The following NKX2-5 variants were observed in gnomAD, a reference collection of about 807,000 sequenced individuals.
NKX2-5 encodes the protein homeobox protein Nkx-2.5.
A neutral mutation model predicts 24.5 loss-of-function variants in NKX2-5; 3 were observed. That is an observed-to-expected ratio of 0.12 (90% confidence interval 0.06 to 0.32). The LOEUF is 0.32. Ranked by LOEUF, NKX2-5 falls within the 10% of genes least tolerant of loss-of-function variation. The pLI, the probability that NKX2-5 is intolerant of heterozygous loss-of-function variation, is 1.00. For synonymous variants in NKX2-5, 215 were observed against 217.6 expected, an observed-to-expected ratio of 0.99 and a Z score of 0.11; for missense variants, 429 against 452.4, an observed-to-expected ratio of 0.95 and a Z score of 0.47.
chr5:173,234,198 C>G, intron 1 of NKX2-5: 10 of 1,266,242 alleles, frequency 7.9e-6, no homozygotes, highest in South Asian at 2.6e-5. Context: ...ATTTTAAAAT[C>G]AAGGCCCTCG....
chr5:173,234,666 G>C, intron 1 of NKX2-5, 84 bp downstream of exon 1: 1 of 1,223,290 alleles, frequency 8.2e-7, no homozygotes, highest in Non-Finnish European at 1.1e-6. Flanking sequence ...GCCCAAGGGC[G>C]CGTGTCTCCT....
In NKX2-5 at chr5:173,232,421, C is replaced by T; in HGVS notation, c.*148G>A. The T allele has an allele frequency of 7.1e-7, 1 of 1,417,982 alleles. No individual in the cohort carries two copies. Among genetic ancestry groups the T allele is most frequent in the Non-Finnish European group, 9.5e-7 (1 of 1,058,186 alleles). 87.8% of individuals were successfully genotyped at this position (1,417,982 alleles called of 1,614,324 possible). A position where few individuals can be genotyped will look rare whatever the true frequency, so the allele number is the denominator to read the frequency against. On this transcript the variant is annotated 3_prime_UTR_variant, in exon 2 of 2. Coordinates refer to ENST00000329198, the MANE Select transcript of NKX2-5 (RefSeq NM_004387.4). The surrounding 1 kb of genome is among the most constrained non-coding windows in gnomAD (Gnocchi z 5.9). ...TCTCCCGTGCGCAAGAACAAACGCGCGTGGGACAGAAAAAGTTCCTAGGTC... is the reference window on the plus strand; with the variant it reads ...TCTCCCGTGCGCAAGAACAAACGCGTGTGGGACAGAAAAAGTTCCTAGGTC...
intron 1 of NKX2-5, chr5:173,233,953 C>T (rs1761400603): frequency 8.3e-7 from 1 of 1,198,324 alleles, no homozygotes; most frequent in Non-Finnish European, 1.1e-6. Flanking sequence ...CGGGCTCCTG[C>T]CTTGGGCTGG....
intron 1 of NKX2-5, chr5:173,233,939 C>T: frequency 8.4e-7 from 1 of 1,186,506 alleles, no homozygotes; most frequent in Non-Finnish European, 1.1e-6. Flanking sequence ...TCCCGGGAAT[C>T]GCCCGGGCTC....
Position 173,232,657 on chromosome 5 carries a change from C to T in NKX2-5, c.887G>A (p.Gly296Asp), listed in dbSNP as rs373421818. Residue 296 changes from glycine (G) to aspartate (D), a missense_variant, in exon 2 of 2, where the codon GGC (glycine) becomes GAC (aspartate). Coordinates refer to ENST00000329198, the MANE Select transcript of NKX2-5 (RefSeq NM_004387.4). This position sits in a 1 kb window ranked among gnomAD's most constrained non-coding sequence, Gnocchi z 5.9. ...CTGAACCGCATTCAAGTCCCCGACG[C>T]CGAAGTTCACGAAGTTGTTGTTGGC... is the stretch of plus-strand genomic sequence containing the variant. ...AAANNNFVNF[G>D]VGDLNAVQSP... 6 of 1,612,906 alleles carry T rather than the reference C, an allele frequency of 3.7e-6. No homozygotes were observed. The highest frequency in any genetic ancestry group is 5.1e-6 in the Non-Finnish European group (6 of 1,179,466).
rs765528024 is a variant in NKX2-5 at position 173,232,791 on chromosome 5, G to C, written c.753C>G (p.Asn251Lys). 5.1e-5 allele frequency: 82 copies of C among 1,611,386 alleles called. No individual in the cohort carries two copies. The highest frequency in any genetic ancestry group is 6.8e-5 in the Non-Finnish European group (80 of 1,179,346). ...YGVGLNPYGY[N>K]AYPAYPGYGG... is the part of the protein sequence containing the mutation. Reference sequence around the variant, plus strand: ...CGTAACCCGGATAGGCGGGGTAGGCGTTATAACCGTAGGGATTGAGGCCCA... The same window carrying C: ...CGTAACCCGGATAGGCGGGGTAGGCCTTATAACCGTAGGGATTGAGGCCCA... Residue 251 changes from asparagine to lysine, a missense_variant, in exon 2 of 2, where the codon AAC becomes AAG. By Grantham distance (94) the Asn-to-Lys change is moderately conservative. Transcript: ENST00000329198. The surrounding 1 kb of genome is among the most constrained non-coding windows in gnomAD (Gnocchi z 5.9).
chr5:173,233,546 TAAAAC>T, intron 1 of NKX2-5: 1 of 897,572 alleles, frequency 1.1e-6, no homozygotes, highest in Non-Finnish European at 1.7e-6. Context: ...AAAATAAAAA[TAAAAC>T]CAGGTGATGC....
At chr5:173,233,300 G>A in intron 1 of NKX2-5, 91 bp from the exon 2 acceptor site, 3 of 1,543,714 alleles carry the variant, frequency 1.9e-6, no homozygotes, top group East Asian at 2.4e-5. Flanking sequence ...GGATCCTCGT[G>A]GAGGCCACTG....
rs994687523 is a variant in NKX2-5 at position 173,232,733 on chromosome 5, T to C, written c.811A>G (p.Thr271Ala). ...GAACSPGYSCTAAYPAGPSPA... is the reference protein window; with the variant it reads ...GAACSPGYSCAAAYPAGPSPA... The stretch of plus-strand genomic sequence containing the variant: ...GAAGGCCCGGCGGGGTAAGCGGCAG[T>C]GCAGCTGTAGCCAGGGCTGCAGGCC... The change falls in exon 2 of 2, where the codon ACT (threonine) becomes GCT (alanine). Residue 271 changes from threonine to alanine, a missense_variant. Coordinates refer to ENST00000329198, the MANE Select transcript of NKX2-5 (RefSeq NM_004387.4). The surrounding 1 kb of genome is among the most constrained non-coding windows in gnomAD (Gnocchi z 5.9). 2 of 1,606,796 alleles carry C rather than the reference T, an allele frequency of 1.2e-6. No individual in the cohort carries two copies. The highest frequency in any genetic ancestry group is 1.7e-5 in the Admixed American group (1 of 59,252).
At chr5:173,233,262 C>T in intron 1 of NKX2-5, 53 bp from the exon 2 acceptor site, 7 of 1,574,320 alleles carry the variant, frequency 4.4e-6, no homozygotes, top group Non-Finnish European at 6.0e-6. Context: ...GCTTGACCTA[C>T]GGAGCGCGGC....
rs774878026 is a variant in NKX2-5, at chr5:173,234,772, C to G, written c.312G>C (p.Lys104Asn). 3.8e-6 allele frequency: 6 copies of G among 1,561,880 alleles called. No homozygotes were observed. Among genetic ancestry groups the G allele is most frequent in the Non-Finnish European group, 5.2e-6 (6 of 1,156,988 alleles). ...PRAYSDPDPA[K>N]DPRAEKKELC... is the part of the protein sequence containing the mutation. Reference sequence around the variant, plus strand: ...CACCTTTCTTTTCGGCTCTAGGGTCCTTGGCTGGGTCGGGGTCGCTGTAGG... The same window carrying G: ...CACCTTTCTTTTCGGCTCTAGGGTCGTTGGCTGGGTCGGGGTCGCTGTAGG... Residue 104 changes from lysine to asparagine, a missense_variant, in exon 1 of 2, where the codon AAG becomes AAC. Lys to Asn is a moderately conservative substitution (Grantham distance 94). Transcript: ENST00000329198.
rs1380213330 is a variant in NKX2-5 at position 173,235,036 on chromosome 5, G to A, written c.48C>T (p.Asp16=). 4 of 1,611,774 alleles carry A rather than the reference G, an allele frequency of 2.5e-6. No homozygotes were observed. In the Admixed American group the frequency reaches 5.0e-5, roughly 20 times the overall value. ...GCTGCTGCTGTTCCAGGTTTAGGAT[G>A]TCTTTGACTGAGAAGGGCGTGGGCG... The part of the protein sequence containing the change: ...ALTPTPFSVK[D]ILNLEQQQRS... Residue 16 remains aspartate, a synonymous_variant, in exon 1 of 2, where the codon GAC becomes GAT. Coordinates refer to ENST00000329198, the MANE Select transcript of NKX2-5 (RefSeq NM_004387.4).
chr5:173,232,456 G>A lies in NKX2-5; in HGVS notation c.*113C>T, dbSNP rs1761335983. On this transcript the variant is annotated 3_prime_UTR_variant, in exon 2 of 2. Transcript: ENST00000329198. This position sits in a 1 kb window ranked among gnomAD's most constrained non-coding sequence, Gnocchi z 5.9. ...AAAAAGTTCCTAGGTCTCCGCAGGA[G>A]TGAATGCAAAATCCAGGGGACTCAG... 2 of 1,529,058 alleles carry A rather than the reference G, an allele frequency of 1.3e-6. No homozygotes were observed. 94.7% of individuals were successfully genotyped at this position (1,529,058 alleles called of 1,614,324 possible).
intron 1 of NKX2-5, 31 bp downstream of exon 1, chr5:173,234,719 G>C: frequency 6.8e-7 from 1 of 1,480,298 alleles, no homozygotes; most frequent in Non-Finnish European, 9.0e-7. Context: ...CGACCCAGGA[G>C]GGGAGAAGGG....
rs554604572 is a variant in NKX2-5, at chr5:173,235,024, C to G, written c.60G>C (p.Leu20=). 1.9e-6 allele frequency: 3 copies of G among 1,612,116 alleles called. No individual in the cohort carries two copies. The South Asian group carries it at 3.3e-5, about 18-fold the overall frequency. Residue 20 remains leucine (L), a synonymous_variant, in exon 1 of 2, where the codon CTG becomes CTC. Coordinates refer to ENST00000329198, the MANE Select transcript of NKX2-5 (RefSeq NM_004387.4). ...CAGCCAGGCTGCGCTGCTGCTGTTCCAGGTTTAGGATGTCTTTGACTGAGA... is the reference window on the plus strand; with the variant it reads ...CAGCCAGGCTGCGCTGCTGCTGTTCGAGGTTTAGGATGTCTTTGACTGAGA... ...TPFSVKDILN[L]EQQQRSLAAA...
In NKX2-5 at chr5:173,234,114, C is replaced by T. The variant is rs1047468079; in HGVS notation, c.334+636G>A. 3.1e-6 allele frequency: 4 copies of T among 1,289,356 alleles called. No individual in the cohort carries two copies. The African/African-American group carries it at 4.6e-5, about 15-fold the overall frequency. The allele number at this position is 1,289,356 out of a possible 1,614,324, so 79.9% of individuals were successfully genotyped here. On this transcript the variant is annotated intron_variant, in intron 1 of 1. Coordinates refer to ENST00000329198, the MANE Select transcript of NKX2-5 (RefSeq NM_004387.4). ...CTAACTTTTCCACGAGGGAACCTCT[C>T]CGCCCTGGCCGCGCCGGCAAGTTGT...
chr5:173,235,095 C>G lies in NKX2-5; in HGVS notation c.-12G>C. 6.3e-7 allele frequency: 1 copy of G among 1,595,866 alleles called. No individual in the cohort carries two copies. The highest frequency in any genetic ancestry group is 1.1e-5 in the South Asian group (1 of 89,206). On this transcript the variant is annotated 5_prime_UTR_variant, in exon 1 of 2. Coordinates refer to ENST00000329198, the MANE Select transcript of NKX2-5 (RefSeq NM_004387.4). ...GGGCTGGGGAACATGGTGGCAGCGC[C>G]AGTCTCACAGCGCCAGGTGGGCGGC...
At position 173,232,651 on chromosome 5, in the gene NKX2-5, C is replaced by T. The variant is rs549406766; in HGVS notation, c.893G>A (p.Gly298Glu). 9 of 1,613,136 alleles carry T rather than the reference C, an allele frequency of 5.6e-6. No individual in the cohort carries two copies. The East Asian group carries it at 1.6e-4, about 28-fold the overall frequency. ...GGGGCTCTGAACCGCATTCAAGTCC[C>T]CGACGCCGAAGTTCACGAAGTTGTT... Reference protein sequence around the residue: ...ANNNFVNFGVGDLNAVQSPGI... With the variant: ...ANNNFVNFGVEDLNAVQSPGI... The change falls in exon 2 of 2, where the codon GGG becomes GAG. Residue 298 changes from glycine to glutamate, a missense_variant. This residue lies in a region of NKX2-5 where 183 missense variants were observed against 185.9 expected (regional missense o/e 0.98). Coordinates refer to ENST00000329198, the MANE Select transcript of NKX2-5 (RefSeq NM_004387.4). The surrounding 1 kb of genome is among the most constrained non-coding windows in gnomAD (Gnocchi z 5.9).
At chr5:173,233,733 G>T in intron 1 of NKX2-5, 3 of 593,360 alleles carry the variant, frequency 5.1e-6, no homozygotes, top group Non-Finnish European at 6.4e-6. Flanking sequence ...CAGGGTTTGC[G>T]CAGTGTCCAA....
Sources: allele counts gnomAD v4.1 joint callset, GRCh38; gene constraint gnomAD v4.1.1; regional missense constraint gnomAD v4.1.1; non-coding constraint Gnocchi (gnomAD v3.1); transcripts MANE v1.5; gene names NCBI Gene and HGNC (gene_info 2026-07-23, HGNC 2026-07-21).